Variants in HIRA observed in about 807,000 individuals in gnomAD.
HIRA encodes protein HIRA.
A neutral mutation model predicts 126.6 loss-of-function variants in HIRA; 13 were observed. That is an observed-to-expected ratio of 0.10 (90% confidence interval 0.07 to 0.16). The LOEUF (loss-of-function observed/expected upper bound fraction) is 0.16. Among genes scored for constraint, HIRA ranks in the 10% least tolerant of loss-of-function variants. The pLI, the probability that HIRA is intolerant of heterozygous loss-of-function variation, is 1.00. For missense variants in HIRA, 834 were observed against 1,314.4 expected (o/e 0.63, Z 5.65); for synonymous variants, 511 against 520.0 (o/e 0.98, Z 0.24).
At position 19,348,727 on chromosome 22, in the gene HIRA, C is replaced by A. The variant is rs191558620; in HGVS notation, c.2937+2631G>T. 1.6e-4 allele frequency among the ~76,000 whole-genome samples: 24 copies of A among 152,252 alleles called. No homozygotes were observed. The East Asian group carries it at 4.6e-3, about 29-fold the overall frequency. On this transcript the variant is annotated intron_variant, in intron 24 of 24. Transcript: ENST00000263208. ...GGCCAGGCTGGTCTCAAACTCCTGA[C>A]CTCATGATCCGACCCCCTTGGCCTC... is the stretch of plus-strand genomic sequence containing the variant.
chr22:19,373,430 T>C (rs2088986266), intron 15 of HIRA, among the ~76,000 whole-genome samples: 2 of 152,244 alleles, frequency 1.3e-5, no homozygotes, highest in African/African-American at 4.8e-5. Context: ...CTCTTTCTTC[T>C]TGTGACTGTG....
intron 15 of HIRA, among the ~76,000 whole-genome samples, chr22:19,369,886 G>A (rs757556008): frequency 3.3e-5 from 5 of 152,124 alleles, no homozygotes; most frequent in East Asian, 1.9e-4. Context: ...CCAAGACTGC[G>A]CCACTGCACT....
chr22:19,356,110 T>C (rs2088809503), intron 20 of HIRA, 120 bp downstream of exon 20: 1 of 937,976 alleles, frequency 1.1e-6, no homozygotes, highest in Non-Finnish European at 1.7e-6. Context: ...CCACACCTCC[T>C]GCCTCACTGA....
chr22:19,342,319 G>T (rs1227941652), intron 24 of HIRA, among the ~76,000 whole-genome samples: 1 of 152,152 alleles, frequency 6.6e-6, no homozygotes, highest in South Asian at 2.1e-4. Context: ...TAGCATGGAG[G>T]TGGTGAAAAG....
intron 22 of HIRA, 62 bp from the exon 23 acceptor site, chr22:19,353,581 C>T: frequency 6.8e-7 from 1 of 1,480,982 alleles, no homozygotes; most frequent in Non-Finnish European, 9.0e-7. Flanking sequence ...TCAGGAACTG[C>T]CCCCGTGTGC....
At chr22:19,383,494 G>C (rs2089095865) in intron 13 of HIRA, 126 bp downstream of exon 13, 3 of 757,564 alleles carry the variant, frequency 4.0e-6, no homozygotes, top group Non-Finnish European at 4.5e-6. Flanking sequence ...TCACTTCCTT[G>C]CTTCCATGTT....
At chr22:19,359,241 C>CCT in intron 18 of HIRA, 95 bp downstream of exon 18, 1 of 1,326,690 alleles carries the variant, frequency 7.5e-7, no homozygotes, top group Non-Finnish European at 9.9e-7. Context: ...CTGGTGCTCC[C>CCT]AGGGTCATGC....
At chr22:19,413,508 G>A (rs1036103781) in intron 1 of HIRA, among the ~76,000 whole-genome samples, 1 of 152,076 alleles carries the variant, frequency 6.6e-6, no homozygotes, top group African/African-American at 2.4e-5. Context: ...AGATACCAGC[G>A]CAGTGCTGGC....
chr22:19,403,114 A>AG (rs1043662400), intron 5 of HIRA, among the ~76,000 whole-genome samples: 6 of 151,750 alleles, frequency 4.0e-5, no homozygotes, highest in African/African-American at 1.5e-4. Flanking sequence ...AAAAAAAAAA[A>AG]AAAAGAAAAA....
chr22:19,336,100 G>T (rs1421635673), intron 24 of HIRA, among the ~76,000 whole-genome samples: 1 of 152,104 alleles, frequency 6.6e-6, no homozygotes, highest in Non-Finnish European at 1.5e-5. Context: ...CAAAAAAAAA[G>T]TGACTCATGA....
intron 17 of HIRA, 33 bp from the exon 18 acceptor site, chr22:19,359,517 C>A: frequency 6.5e-7 from 1 of 1,538,954 alleles, no homozygotes. Context: ...TCTGCTCAGA[C>A]AAGGGCCGCA....
intron 5 of HIRA, chr22:19,405,455 G>T: frequency 1.0e-6 from 1 of 983,472 alleles, no homozygotes; most frequent in Non-Finnish European, 1.2e-6. Flanking sequence ...TAAACAAAGT[G>T]TGCTTACGGA....
At chr22:19,365,358 G>A (rs1190723088) in intron 15 of HIRA, among the ~76,000 whole-genome samples, 1 of 152,186 alleles carries the variant, frequency 6.6e-6, no homozygotes, top group Admixed American at 6.5e-5. Context: ...CTAGAGAAGG[G>A]AAGTCAATGC....
intron 14 of HIRA, among the ~76,000 whole-genome samples, chr22:19,377,109 C>A (rs1025421261): frequency 1.3e-5 from 2 of 152,196 alleles, no homozygotes; most frequent in African/African-American, 4.8e-5. Context: ...TGTATGAGTC[C>A]TGTGGAGGGT....
At chr22:19,347,952 AAAAC>A (rs1220328141) in intron 24 of HIRA, among the ~76,000 whole-genome samples, 41 of 152,310 alleles carry the variant, frequency 2.7e-4, no homozygotes, top group African/African-American at 8.7e-4. Context: ...ATAAACAAAC[AAAAC>A]AAACAAACAA....
At chr22:19,430,356 CAGG>C (rs1601868625) in intron 1 of HIRA, 1 of 152,222 alleles carries the variant, frequency 6.6e-6, no homozygotes, top group Non-Finnish European at 1.5e-5. Flanking sequence ...AGAGAGGTGG[CAGG>C]AGGAGAACAC....
Position 19,377,791 on chromosome 22 carries a change from T to C in HIRA, c.1613+78A>G, listed in dbSNP as rs1436629090. On this transcript the variant is annotated intron_variant, in intron 14 of 24. Transcript: ENST00000263208. Reference sequence around the variant, plus strand: ...AAGGGGCCACAAAGTGCAAACAGAATAAAATTCTCTGTCCTCAAAACTATG... The same window carrying C: ...AAGGGGCCACAAAGTGCAAACAGAACAAAATTCTCTGTCCTCAAAACTATG... 16 of 1,302,342 alleles carry C rather than the reference T, an allele frequency of 1.2e-5. No homozygotes were observed. The East Asian group carries it at 3.7e-4, about 30-fold the overall frequency. The allele number at this position is 1,302,342 out of a possible 1,614,324, so 80.7% of individuals were successfully genotyped here.
At chr22:19,335,455 G>GGA (rs2088556348) in intron 24 of HIRA, among the ~76,000 whole-genome samples, 2 of 152,226 alleles carry the variant, frequency 1.3e-5, no homozygotes, top group South Asian at 4.1e-4. Flanking sequence ...ACGTTGGCCA[G>GGA]GCTGGTCTTG....
At chr22:19,424,612 C>T (rs536116802) in intron 1 of HIRA, among the ~76,000 whole-genome samples, 5 of 152,260 alleles carry the variant, frequency 3.3e-5, no homozygotes, top group African/African-American at 7.2e-5. Flanking sequence ...CTCTCCAGGA[C>T]GGAGTGGCCA....
Sources: gnomAD v4.1 joint callset for allele counts (sites outside exome capture counted in the v4.1 genomes callset) on GRCh38, gnomAD v4.1.1 for gene constraint, MANE v1.5 for transcripts, NCBI Gene and HGNC (gene_info 2026-07-23, HGNC 2026-07-21) for gene names.